Variants in CENPP observed in about 807,000 individuals in gnomAD.
CENPP encodes centromere protein P.
A neutral mutation model predicts 35.6 loss-of-function variants in CENPP; 24 were observed. The observed-to-expected ratio is 0.67, with a 90% CI of 0.49 to 0.95. CENPP has a LOEUF of 0.95. Ranked by LOEUF, CENPP falls within the 40% of genes least tolerant of loss-of-function variation. The probability of loss-of-function intolerance (pLI) is 0.00; values close to 1 mark genes in which losing one functional copy is unlikely to be tolerated. For missense variants in CENPP, 332 were observed against 345.3 expected (o/e 0.96, Z 0.31); for synonymous variants, 120 against 125.5 (o/e 0.96, Z 0.29).
At chr9:92,555,322 G>C (rs1020415189) in intron 5 of CENPP, among the ~76,000 whole-genome samples, 1 of 143,014 alleles carries the variant, frequency 7.0e-6, no homozygotes, top group Admixed American at 7.3e-5. Flanking sequence ...TGCCTCCCAG[G>C]TTCAAGCGAT....
At chr9:92,357,319 AC>A (rs1841615772) in intron 4 of CENPP, among the ~76,000 whole-genome samples, 1 of 151,828 alleles carries the variant, frequency 6.6e-6, no homozygotes, top group Non-Finnish European at 1.5e-5. Flanking sequence ...AATTCTCTTG[AC>A]CATTTCTTAC....
At chr9:92,351,960 G>A (rs1485259105) in intron 4 of CENPP, among the ~76,000 whole-genome samples, 3 of 150,804 alleles carry the variant, frequency 2.0e-5, no homozygotes, top group African/African-American at 7.3e-5. Context: ...ATTTCGCTGA[G>A]TGTAATGTTG....
At chr9:92,363,591 T>C (rs1219752564) in intron 4 of CENPP, among the ~76,000 whole-genome samples, 1 of 152,218 alleles carries the variant, frequency 6.6e-6, no homozygotes, top group African/African-American at 2.4e-5. Context: ...ATAAATCATC[T>C]GACAATGCAT....
chr9:92,502,421 T>G (rs2131157629), intron 5 of CENPP: 1 of 1,475,160 alleles, frequency 6.8e-7, no homozygotes, highest in Middle Eastern at 1.8e-4. Flanking sequence ...GTCACCTCCC[T>G]CACTTATCCC....
chr9:92,346,212 A>T (rs1296691100), intron 4 of CENPP, among the ~76,000 whole-genome samples: 10 of 152,132 alleles, frequency 6.6e-5, no homozygotes. Flanking sequence ...TTTAAATTAG[A>T]GATGGGGTCT....
At chr9:92,414,162 A>G (rs1436006714) in intron 5 of CENPP, 1 of 173,172 alleles carries the variant, frequency 5.8e-6, no homozygotes, top group Non-Finnish European at 1.2e-5. Context: ...GGTTTTAAAG[A>G]AGATGTTAAA....
chr9:92,370,500 T>C (rs1841982988), intron 4 of CENPP, among the ~76,000 whole-genome samples: 1 of 152,156 alleles, frequency 6.6e-6, no homozygotes, highest in Admixed American at 6.5e-5. Context: ...TTTTTTGAGA[T>C]GGAGTCTCAG....
At chr9:92,342,574 T>A (rs1320359830) in intron 3 of CENPP, among the ~76,000 whole-genome samples, 4 of 152,216 alleles carry the variant, frequency 2.6e-5, no homozygotes, top group Admixed American at 1.3e-4. Context: ...TCTGAGCCTT[T>A]TAGATTTTAT....
At chr9:92,569,043 C>G (rs1253959124) in intron 5 of CENPP, among the ~76,000 whole-genome samples, 1 of 152,186 alleles carries the variant, frequency 6.6e-6, no homozygotes, top group East Asian at 1.9e-4. Flanking sequence ...CCTGTTCACT[C>G]TGATGGTAGT....
intron 5 of CENPP, among the ~76,000 whole-genome samples, chr9:92,478,416 G>A (rs1845789282): frequency 6.6e-6 from 1 of 151,956 alleles, no homozygotes; most frequent in Non-Finnish European, 1.5e-5. Flanking sequence ...TTTTTAAGTT[G>A]GTTGATTGTG....
chr9:92,533,318 A>ATATATATAT (rs1848939859), intron 5 of CENPP, among the ~76,000 whole-genome samples: 2 of 94,840 alleles, frequency 2.1e-5, no homozygotes, highest in African/African-American at 8.5e-5. Context: ...AAAAAAAAAA[A>ATATATATAT]AAAAAAAAAA....
At chr9:92,475,317 T>C (rs1271798906) in intron 5 of CENPP, among the ~76,000 whole-genome samples, 2 of 152,148 alleles carry the variant, frequency 1.3e-5, no homozygotes, top group Non-Finnish European at 2.9e-5. Context: ...CTTTTAAATA[T>C]GGGATATTAT....
At chr9:92,420,757 GT>G (rs566441127) in intron 5 of CENPP, among the ~76,000 whole-genome samples, 17 of 145,222 alleles carry the variant, frequency 1.2e-4, no homozygotes, top group South Asian at 6.6e-4. Flanking sequence ...TTTTGTTTTT[GT>G]TTTTTTTTTA....
intron 5 of CENPP, among the ~76,000 whole-genome samples, chr9:92,504,426 A>C (rs898841907): frequency 7.2e-5 from 11 of 152,164 alleles, no homozygotes; most frequent in Non-Finnish European, 1.6e-4. Context: ...TTCTGGCTGG[A>C]TGATCATGTG....
At chr9:92,369,904 G>T (rs1027304521) in intron 4 of CENPP, among the ~76,000 whole-genome samples, 4 of 152,136 alleles carry the variant, frequency 2.6e-5, no homozygotes, top group Non-Finnish European at 4.4e-5. Flanking sequence ...CTAGTTTCTA[G>T]AGGAAAGGCT....
At chr9:92,582,796 A>G (rs762479808) in intron 5 of CENPP, among the ~76,000 whole-genome samples, 13 of 152,142 alleles carry the variant, frequency 8.5e-5, no homozygotes, top group Non-Finnish European at 1.6e-4. Context: ...AAGGGCACTG[A>G]AGAATATCCT....
rs182514480 is a variant in CENPP at position 92,461,628 on chromosome 9, A to G, written c.564+81769A>G. 5.0e-4 allele frequency among the ~76,000 whole-genome samples: 76 copies of G among 152,322 alleles called. 1 individual carries two copies. The highest frequency in any genetic ancestry group is 1.5e-3 in the African/African-American group (62 of 41,566). On this transcript the variant is annotated intron_variant, in intron 5 of 7. Coordinates refer to ENST00000375587, the MANE Select transcript of CENPP (RefSeq NM_001012267.3). ...GTCAGATGCAGAGAGACATTCAGATAAAAGCAAATCAGCCTTTCACCTGAG... is the reference window on the plus strand; with the variant it reads ...GTCAGATGCAGAGAGACATTCAGATGAAAGCAAATCAGCCTTTCACCTGAG...
At position 92,618,558 on chromosome 9, in the gene CENPP, G is replaced by A. The variant is rs887644091; in HGVS notation, c.*5409G>A. The A allele has an allele frequency of 8.8e-6, 4 of 456,512 alleles. No individual in the cohort carries two copies. Among genetic ancestry groups the A allele is most frequent in the Non-Finnish European group, 1.8e-5 (4 of 226,972 alleles). The allele number at this position is 456,512 out of a possible 1,614,324, so 28.3% of individuals were successfully genotyped here. A position where few individuals can be genotyped will look rare whatever the true frequency, so the allele number is the denominator to read the frequency against. ...GGCTGCTGAACAGTGGTATCTTCGT[G>A]GGTTTTCTCTCATCGAACACCACCA... On this transcript the variant is annotated 3_prime_UTR_variant, in exon 8 of 8. Transcript: ENST00000375587.
rs980920612 is a variant in CENPP at position 92,331,245 on chromosome 9, A to G, written c.108-925A>G. ...GCCCAGGTTGGAGTGCAGTGGCACA[A>G]TCTCTGCTCACTGCAAGCTCCGCCT... On this transcript the variant is annotated intron_variant, in intron 1 of 7. Transcript: ENST00000375587. Among the ~76,000 whole-genome samples the G allele has an allele frequency of 2.0e-5, 3 of 152,154 alleles. No homozygotes were observed. The East Asian group carries it at 5.8e-4, about 29-fold the overall frequency.
Sources: gnomAD v4.1 joint callset for allele counts (sites outside exome capture counted in the v4.1 genomes callset) on GRCh38, gnomAD v4.1.1 for gene constraint, MANE v1.5 for transcripts, NCBI Gene and HGNC (gene_info 2026-07-23, HGNC 2026-07-21) for gene names.